The following MARCHF3 variants were observed in gnomAD, a reference collection of about 807,000 sequenced individuals.
MARCHF3 encodes membrane associated ring-CH-type finger 3, also known as E3 ubiquitin-protein ligase MARCHF3.
MARCHF3 carries 13 observed loss-of-function variants against 24.2 expected under a neutral mutation model. The observed-to-expected ratio is 0.54, with a 90% confidence interval of 0.35 to 0.85. The LOEUF (loss-of-function observed/expected upper bound fraction) is 0.85. Among genes scored for constraint, MARCHF3 ranks in the 40% least tolerant of loss-of-function variants. MARCHF3 has a pLI of 0.01. For missense variants in MARCHF3, 276 were observed against 325.0 expected, an observed-to-expected ratio of 0.85 and a Z score of 1.16; for synonymous variants, 144 against 137.3, an observed-to-expected ratio of 1.05 and a Z score of -0.34.
chr5:126,924,940 C>T (rs1483241766), intron 1 of MARCHF3, among the ~76,000 whole-genome samples: 1 of 152,156 alleles, frequency 6.6e-6, no homozygotes, highest in East Asian at 1.9e-4. Context: ...TTATGTGGAG[C>T]GCAGAATTTG....
intron 1 of MARCHF3, among the ~76,000 whole-genome samples, chr5:126,925,545 C>G (rs1749264273): frequency 6.6e-6 from 1 of 152,134 alleles, no homozygotes; most frequent in African/African-American, 2.4e-5. Flanking sequence ...ATTTTGGAGG[C>G]TATCCATTTT....
At chr5:126,954,747 A>C (rs903815743) in intron 1 of MARCHF3, among the ~76,000 whole-genome samples, 2 of 151,920 alleles carry the variant, frequency 1.3e-5, no homozygotes, top group African/African-American at 4.8e-5. Flanking sequence ...AATTTTAAAA[A>C]AAGTTTACAT....
chr5:127,021,928 C>T (rs564011898), intron 1 of MARCHF3, among the ~76,000 whole-genome samples: 1 of 152,340 alleles, frequency 6.6e-6, no homozygotes, highest in African/African-American at 2.4e-5. Flanking sequence ...CAACAAAAGA[C>T]ACACCAGTCC....
chr5:126,921,070 C>T (rs1313390320), intron 1 of MARCHF3, among the ~76,000 whole-genome samples: 1 of 151,624 alleles, frequency 6.6e-6, no homozygotes, highest in African/African-American at 2.4e-5. Context: ...TAAGCCCTAG[C>T]TCAATTTAGG....
chr5:126,887,711 T>C (rs1024256699), intron 3 of MARCHF3, among the ~76,000 whole-genome samples: 2 of 152,188 alleles, frequency 1.3e-5, no homozygotes, highest in African/African-American at 4.8e-5. Context: ...GCCTCAGAAA[T>C]ACCAGACTAG....
intron 4 of MARCHF3, among the ~76,000 whole-genome samples, chr5:126,873,853 GC>G (rs958896718): frequency 2.0e-5 from 3 of 152,160 alleles, no homozygotes; most frequent in Non-Finnish European, 2.9e-5. Context: ...TGAGCACAAC[GC>G]CAAGGAGACC....
At chr5:126,934,172 C>G (rs556655375) in intron 1 of MARCHF3, among the ~76,000 whole-genome samples, 5 of 152,270 alleles carry the variant, frequency 3.3e-5, no homozygotes, top group African/African-American at 1.2e-4. Context: ...CTACTTTCTT[C>G]TTATTTATTT....
intron 1 of MARCHF3, among the ~76,000 whole-genome samples, chr5:126,953,172 G>A (rs922304710): frequency 1.3e-5 from 2 of 151,916 alleles, no homozygotes; most frequent in African/African-American, 2.4e-5. Flanking sequence ...AGTTCTAATT[G>A]CCTTTTTTTC....
At chr5:126,892,807 A>T (rs553461566) in intron 3 of MARCHF3, among the ~76,000 whole-genome samples, 7 of 150,854 alleles carry the variant, frequency 4.6e-5, no homozygotes, top group African/African-American at 1.7e-4. Context: ...GCCTCATAAA[A>T]TGAGTTAGGG....
At chr5:127,027,605 G>A (rs1183409786) in intron 1 of MARCHF3, among the ~76,000 whole-genome samples, 3 of 152,136 alleles carry the variant, frequency 2.0e-5, no homozygotes, top group East Asian at 1.9e-4. Context: ...TGTTTCATCA[G>A]GCAGACTTCC....
intron 1 of MARCHF3, among the ~76,000 whole-genome samples, chr5:126,974,982 G>A (rs920925722): frequency 6.6e-6 from 1 of 152,092 alleles, no homozygotes; most frequent in Non-Finnish European, 1.5e-5. Context: ...TATTGAGATG[G>A]AGTCTCGCTC....
intron 1 of MARCHF3, among the ~76,000 whole-genome samples, chr5:126,965,340 T>C (rs912782906): frequency 6.6e-6 from 1 of 152,240 alleles, no homozygotes; most frequent in African/African-American, 2.4e-5. Context: ...TCTTCATCAC[T>C]GAACTGTATT....
intron 1 of MARCHF3, among the ~76,000 whole-genome samples, chr5:126,988,295 A>G (rs924484157): frequency 6.6e-6 from 1 of 152,134 alleles, no homozygotes; most frequent in Non-Finnish European, 1.5e-5. Flanking sequence ...AGGCAGCAAT[A>G]ACAGGAAACC....
chr5:126,923,969 A>C (rs961762095), intron 1 of MARCHF3, among the ~76,000 whole-genome samples: 3 of 151,420 alleles, frequency 2.0e-5, no homozygotes, highest in African/African-American at 7.3e-5. Context: ...AGTACTTATT[A>C]GGTATTCCTA....
intron 1 of MARCHF3, among the ~76,000 whole-genome samples, chr5:126,934,327 A>G (rs1320966052): frequency 6.6e-6 from 1 of 152,200 alleles, no homozygotes; most frequent in African/African-American, 2.4e-5. Flanking sequence ...GTTAGGTGAC[A>G]CAATCACAGG....
At chr5:126,959,167 C>T (rs559074102) in intron 1 of MARCHF3, among the ~76,000 whole-genome samples, 2 of 152,168 alleles carry the variant, frequency 1.3e-5, no homozygotes, top group South Asian at 4.1e-4. Flanking sequence ...ATGAAGAAAC[C>T]TGACAAACGC....
At chr5:126,986,571 G>A (rs1210559023) in intron 1 of MARCHF3, among the ~76,000 whole-genome samples, 2 of 152,110 alleles carry the variant, frequency 1.3e-5, no homozygotes, top group Non-Finnish European at 2.9e-5. Context: ...ATTTAAATAG[G>A]TCAGAGTAAA....
intron 1 of MARCHF3, among the ~76,000 whole-genome samples, chr5:127,006,199 T>C (rs1752307911): frequency 1.6e-5 from 2 of 123,176 alleles, no homozygotes; most frequent in Admixed American, 1.6e-4. Context: ...TGAGGCTCTG[T>C]CAAAAAAAAA....
intron 1 of MARCHF3, among the ~76,000 whole-genome samples, chr5:126,954,162 A>T (rs1269611413): frequency 6.7e-6 from 1 of 149,308 alleles, no homozygotes; most frequent in South Asian, 2.1e-4. Flanking sequence ...CCTCCCGAGT[A>T]GCTGGGACTA....
Sources: allele counts gnomAD v4.1 joint callset (sites outside exome capture counted in the v4.1 genomes callset), GRCh38; gene constraint gnomAD v4.1.1; transcripts MANE v1.5; gene names NCBI Gene and HGNC (gene_info 2026-07-23, HGNC 2026-07-21).